Variants in SNTB1 observed in about 807,000 individuals in gnomAD.
SNTB1 encodes beta-1-syntrophin.
In SNTB1, 36 loss-of-function variants were observed where a neutral mutation model predicts 48.9. The observed-to-expected ratio is 0.74, with a 90% CI of 0.56 to 0.97. SNTB1 has a LOEUF of 0.97. SNTB1 is among the 50% of genes least tolerant of loss of function. The pLI is 0.00. For synonymous variants in SNTB1, 299 were observed against 294.6 expected, an observed-to-expected ratio of 1.01 and a Z score of -0.15; for missense variants, 786 against 703.4, an observed-to-expected ratio of 1.12 and a Z score of -1.33.
intron 2 of SNTB1, among the ~76,000 whole-genome samples, chr8:120,681,394 G>C (rs748675170): frequency 2.0e-5 from 3 of 152,158 alleles, no homozygotes; most frequent in African/African-American, 7.2e-5. Context: ...CTGCAGAGTG[G>C]AGGAAGAGTA....
intron 2 of SNTB1, among the ~76,000 whole-genome samples, chr8:120,684,981 T>A (rs1818003236): frequency 6.6e-6 from 1 of 152,210 alleles, no homozygotes. Context: ...TTCTCCAGAA[T>A]AATTTTCTTT....
At chr8:120,650,822 G>A (rs1226423735) in intron 2 of SNTB1, among the ~76,000 whole-genome samples, 1 of 152,206 alleles carries the variant, frequency 6.6e-6, no homozygotes, top group African/African-American at 2.4e-5. Context: ...AGTTCTTTCA[G>A]CAGCCCATAT....
intron 3 of SNTB1, among the ~76,000 whole-genome samples, chr8:120,629,570 G>T (rs559788930): frequency 6.6e-6 from 1 of 152,194 alleles, no homozygotes; most frequent in East Asian, 1.9e-4. Context: ...TATAAGAAAG[G>T]CATCGTATTA....
chr8:120,592,476 G>A (rs1345201921), intron 3 of SNTB1, among the ~76,000 whole-genome samples: 2 of 152,052 alleles, frequency 1.3e-5, no homozygotes, highest in Admixed American at 1.3e-4. Context: ...CACTGTGCCT[G>A]GCCAAGCAGA....
intron 4 of SNTB1, among the ~76,000 whole-genome samples, chr8:120,573,597 A>G (rs1473499484): frequency 6.6e-6 from 1 of 152,190 alleles, no homozygotes; most frequent in African/African-American, 2.4e-5. Flanking sequence ...TGTCATATAC[A>G]ATAAATCATT....
chr8:120,764,929 T>TA (rs1207380487), intron 1 of SNTB1, among the ~76,000 whole-genome samples: 1 of 151,498 alleles, frequency 6.6e-6, no homozygotes, highest in Admixed American at 6.6e-5. Context: ...TATTCCAGTT[T>TA]AAAAAAAAAC....
chr8:120,747,050 T>C (rs960345446), intron 1 of SNTB1, among the ~76,000 whole-genome samples: 4 of 151,214 alleles, frequency 2.6e-5, no homozygotes, highest in African/African-American at 9.8e-5. Context: ...GAGAAAAATG[T>C]CCATGGTGTA....
intron 1 of SNTB1, among the ~76,000 whole-genome samples, chr8:120,751,343 T>C (rs1019762739): frequency 6.6e-6 from 1 of 152,166 alleles, no homozygotes; most frequent in Admixed American, 6.6e-5. Flanking sequence ...ACACGACAAC[T>C]GGGTAGAGGA....
chr8:120,718,865 T>C (rs1365820978), intron 1 of SNTB1, among the ~76,000 whole-genome samples: 1 of 152,138 alleles, frequency 6.6e-6, no homozygotes, highest in Non-Finnish European at 1.5e-5. Context: ...GTGTCAATTC[T>C]ACACACACAC....
chr8:120,796,773 A>T (rs138485038), intron 1 of SNTB1, among the ~76,000 whole-genome samples: 1 of 152,178 alleles, frequency 6.6e-6, no homozygotes, highest in African/African-American at 2.4e-5. Context: ...CCTAAGTCTC[A>T]GGATTCTTCC....
chr8:120,695,952 C>A lies in SNTB1; in HGVS notation c.572-2044G>T, dbSNP rs568175258. On this transcript the variant is annotated intron_variant, in intron 1 of 6. Coordinates refer to ENST00000517992, the MANE Select transcript of SNTB1 (RefSeq NM_021021.4). Reference sequence around the variant, plus strand: ...GTATTTTAATAACTATTATTTATTTCTGGGCAAAATATTTAAAGAGGAACA... The same window carrying A: ...GTATTTTAATAACTATTATTTATTTATGGGCAAAATATTTAAAGAGGAACA... Among the ~76,000 whole-genome samples, 7 of 152,224 alleles carry A rather than the reference C, an allele frequency of 4.6e-5. No individual in the cohort carries two copies. The East Asian group carries it at 1.4e-3, about 29-fold the overall frequency.
chr8:120,563,287 T>TA (rs976777581), intron 4 of SNTB1, among the ~76,000 whole-genome samples: 2 of 145,826 alleles, frequency 1.4e-5, no homozygotes, highest in African/African-American at 5.1e-5. Flanking sequence ...CAAGTGAGCA[T>TA]ACCTTTTTTT....
At chr8:120,727,045 AAGGATGTTCTCCAGGAT>A (rs1818768387) in intron 1 of SNTB1, among the ~76,000 whole-genome samples, 1 of 152,218 alleles carries the variant, frequency 6.6e-6, no homozygotes, top group Non-Finnish European at 1.5e-5. Flanking sequence ...ATTAGAAGGC[AAGGATGTTCTCCAGGAT>A]AGGTTGGTTG....
intron 2 of SNTB1, chr8:120,654,942 C>T (rs1241814353): frequency 2.2e-6 from 1 of 455,960 alleles, no homozygotes; most frequent in Admixed American, 2.4e-5. Context: ...TGAAGTCTTG[C>T]TGGCTTGCAG....
intron 1 of SNTB1, among the ~76,000 whole-genome samples, chr8:120,793,209 T>C (rs1371590552): frequency 6.6e-6 from 1 of 151,924 alleles, no homozygotes; most frequent in African/African-American, 2.4e-5. Flanking sequence ...ATGTGCCTTA[T>C]TTGGCATAAG....
At chr8:120,553,872 C>T (rs1199991416) in intron 4 of SNTB1, among the ~76,000 whole-genome samples, 3 of 152,192 alleles carry the variant, frequency 2.0e-5, no homozygotes, top group African/African-American at 7.2e-5. Flanking sequence ...GTGGCACGTG[C>T]CTGTAGTCCC....
chr8:120,545,358 A>G (rs58438673), intron 5 of SNTB1, among the ~76,000 whole-genome samples: 11,590 of 152,110 alleles, frequency 0.076, 748 homozygotes, highest in Middle Eastern at 0.21. Flanking sequence ...ACAAAAAAAG[A>G]GTACTCCTGG....
At chr8:120,791,537 T>C (rs1181154551) in intron 1 of SNTB1, among the ~76,000 whole-genome samples, 6 of 152,078 alleles carry the variant, frequency 3.9e-5, no homozygotes, top group East Asian at 1.9e-4. Flanking sequence ...ATTTGCAAAA[T>C]ATGCATCTGA....
intron 2 of SNTB1, among the ~76,000 whole-genome samples, chr8:120,639,664 G>C (rs1337206150): frequency 1.3e-5 from 2 of 152,126 alleles, no homozygotes; most frequent in Non-Finnish European, 2.9e-5. Flanking sequence ...GTTTTTGTCA[G>C]GTTTGTCAAA....
Sources: gnomAD v4.1 joint callset for allele counts (sites outside exome capture counted in the v4.1 genomes callset) on GRCh38, gnomAD v4.1.1 for gene constraint, MANE v1.5 for transcripts, NCBI Gene and HGNC (gene_info 2026-07-23, HGNC 2026-07-21) for gene names.